CTNNA2: variants seen among roughly 807,000 people sequenced by gnomAD.
CTNNA2 encodes catenin alpha-2.
In CTNNA2, 42 loss-of-function variants were observed where a neutral mutation model predicts 101.0. The ratio of observed to expected loss-of-function variants is 0.42; its 90% CI spans 0.32 to 0.54. CTNNA2 has a LOEUF of 0.54. Ranked by LOEUF, CTNNA2 falls within the 20% of genes least tolerant of loss-of-function variation. The pLI is 0.14. For missense variants in CTNNA2, 871 were observed against 1,223.1 expected (o/e 0.71, Z 4.29); for synonymous variants, 450 against 456.4 (o/e 0.99, Z 0.18).
intron 7 of CTNNA2, among the ~76,000 whole-genome samples, chr2:80,109,463 G>GAAAC (rs3067112): frequency 0.039 from 5,959 of 151,616 alleles, 241 homozygotes; most frequent in African/African-American, 0.11. Context: ...TCTGTCTCAA[G>GAAAC]AAACAAACAA....
chr2:79,811,578 A>C (rs1677042791), intron 3 of CTNNA2, among the ~76,000 whole-genome samples: 1 of 152,120 alleles, frequency 6.6e-6, no homozygotes, highest in African/African-American at 2.4e-5. Flanking sequence ...CTGTTGCATC[A>C]ATTTATATGT....
At chr2:80,630,087 C>T (rs1470683499) in intron 18 of CTNNA2, among the ~76,000 whole-genome samples, 3 of 152,138 alleles carry the variant, frequency 2.0e-5, no homozygotes, top group Non-Finnish European at 4.4e-5. Context: ...AACCTTTCTA[C>T]AAAGTACAGA....
At chr2:80,496,654 C>T (rs545703062) in intron 9 of CTNNA2, among the ~76,000 whole-genome samples, 6 of 151,794 alleles carry the variant, frequency 4.0e-5, no homozygotes, top group African/African-American at 1.2e-4. Flanking sequence ...GGTAAGCACC[C>T]GATACTTAGT....
intron 16 of CTNNA2, among the ~76,000 whole-genome samples, chr2:80,606,617 T>C (rs990382942): frequency 3.3e-5 from 5 of 151,916 alleles, no homozygotes; most frequent in East Asian, 1.9e-4. Context: ...ATTTCCATGA[T>C]TTAGGAGTTA....
chr2:79,720,824 G>T (rs1161326475), intron 2 of CTNNA2, among the ~76,000 whole-genome samples: 2 of 152,046 alleles, frequency 1.3e-5, no homozygotes, highest in South Asian at 2.1e-4. Context: ...CTTCAGGGAA[G>T]ATAGTTTTAT....
At chr2:80,259,152 T>G (rs1672403747) in intron 7 of CTNNA2, among the ~76,000 whole-genome samples, 1 of 152,138 alleles carries the variant, frequency 6.6e-6, no homozygotes, top group South Asian at 2.1e-4. Flanking sequence ...CTCTTGATTT[T>G]GCGGTTCAAC....
intron 7 of CTNNA2, among the ~76,000 whole-genome samples, chr2:80,379,534 A>C (rs965939496): frequency 3.3e-5 from 5 of 152,182 alleles, no homozygotes; most frequent in Non-Finnish European, 7.3e-5. Context: ...ATTAAGCAGA[A>C]TTGCCATAAT....
chr2:79,806,887 A>T (rs1676622108), intron 3 of CTNNA2, among the ~76,000 whole-genome samples: 1 of 151,982 alleles, frequency 6.6e-6, no homozygotes, highest in Non-Finnish European at 1.5e-5. Flanking sequence ...CTAAATGCCA[A>T]ATCCCCTTCT....
At chr2:80,192,025 A>C (rs1042191140) in intron 7 of CTNNA2, among the ~76,000 whole-genome samples, 1 of 152,312 alleles carries the variant, frequency 6.6e-6, no homozygotes. Context: ...CATAATTCAA[A>C]CTGATTAGTG....
chr2:79,384,926 G>T (rs1380631895), intron 4 of CTNNA2, among the ~76,000 whole-genome samples: 1 of 152,106 alleles, frequency 6.6e-6, no homozygotes, highest in Non-Finnish European at 1.5e-5. Flanking sequence ...TTTAAGAAAT[G>T]ACAACATTAG....
At chr2:80,477,216 G>A (rs181172213) in intron 9 of CTNNA2, among the ~76,000 whole-genome samples, 123 of 152,182 alleles carry the variant, frequency 8.1e-4, no homozygotes, top group Admixed American at 5.8e-3. Context: ...AGCATACTAC[G>A]TAGGAGAAAA....
chr2:80,577,467 C>T (rs919559048), intron 13 of CTNNA2, among the ~76,000 whole-genome samples: 1 of 152,060 alleles, frequency 6.6e-6, no homozygotes, highest in African/African-American at 2.4e-5. Context: ...ACCTAGAGAC[C>T]TAAGGACCTT....
At chr2:80,005,464 C>A (rs1693269965) in intron 7 of CTNNA2, among the ~76,000 whole-genome samples, 1 of 152,132 alleles carries the variant, frequency 6.6e-6, no homozygotes, top group Admixed American at 6.5e-5. Context: ...GGGAAAAAAA[C>A]TTTTAGAGCA....
At chr2:80,517,759 A>G (rs1376855648) in intron 9 of CTNNA2, among the ~76,000 whole-genome samples, 1 of 152,178 alleles carries the variant, frequency 6.6e-6, no homozygotes, top group Non-Finnish European at 1.5e-5. Context: ...TTTTAATAAC[A>G]TTGGAGGCTT....
chr2:79,942,984 A>G (rs985319432), intron 7 of CTNNA2, among the ~76,000 whole-genome samples: 57 of 152,258 alleles, frequency 3.7e-4, no homozygotes, highest in African/African-American at 1.4e-3. Flanking sequence ...TGAGAGGCCG[A>G]GGTGGGTGGA....
At chr2:80,493,545 C>T (rs1687219582) in intron 9 of CTNNA2, among the ~76,000 whole-genome samples, 1 of 152,290 alleles carries the variant, frequency 6.6e-6, no homozygotes. Context: ...TAGCAGAATT[C>T]TACAAAGGAT....
rs1674336440 is a variant in CTNNA2 at position 80,648,381 on chromosome 2, ATAT to A, written c.*513_*515del. On this transcript the variant is annotated 3_prime_UTR_variant, in exon 19 of 19. Transcript: ENST00000402739. Reference sequence around the variant, plus strand: ...TTTAACCTTGAAGTCTATATCCGTGATATTATGTCGATTTTTAACTGAGGGGAA... The same window carrying A: ...TTTAACCTTGAAGTCTATATCCGTGATATGTCGATTTTTAACTGAGGGGAA... 6.6e-6 allele frequency: 1 copy of A among 152,546 alleles called. No individual in the cohort carries two copies. The highest frequency in any genetic ancestry group is 2.4e-5 in the African/African-American group (1 of 41,424). 9.4% of individuals were successfully genotyped at this position (152,546 alleles called of 1,614,324 possible).
At chr2:80,129,360 G>C (rs1438548899) in intron 7 of CTNNA2, among the ~76,000 whole-genome samples, 1 of 152,158 alleles carries the variant, frequency 6.6e-6, no homozygotes, top group South Asian at 2.1e-4. Context: ...AGCTTCAAAG[G>C]AGTAGCGAGT....
chr2:80,084,070 T>C (rs1699306963), intron 7 of CTNNA2, among the ~76,000 whole-genome samples: 1 of 152,088 alleles, frequency 6.6e-6, no homozygotes, highest in African/African-American at 2.4e-5. Context: ...GGAATCACGT[T>C]CTCTAAGTAC....
Sources: allele counts gnomAD v4.1 joint callset (sites outside exome capture counted in the v4.1 genomes callset), GRCh38; gene constraint gnomAD v4.1.1; transcripts MANE v1.5; gene names NCBI Gene and HGNC (gene_info 2026-07-23, HGNC 2026-07-21).